CTNNA2: variants seen among roughly 807,000 people sequenced by gnomAD.
The protein encoded by CTNNA2 is catenin alpha-2.
In CTNNA2, 42 loss-of-function variants were observed where a neutral mutation model predicts 101.0. That is an observed-to-expected ratio of 0.42 (90% confidence interval 0.32 to 0.54). The LOEUF (loss-of-function observed/expected upper bound fraction) is 0.54. CTNNA2 is among the 20% of genes least tolerant of loss of function. The probability of loss-of-function intolerance (pLI) is 0.14; values close to 1 mark genes in which losing one functional copy is unlikely to be tolerated. For missense variants in CTNNA2, 871 were observed against 1,223.1 expected (o/e 0.71, Z 4.29); for synonymous variants, 450 against 456.4 (o/e 0.99, Z 0.18).
At chr2:79,320,604 C>T (rs1473357) in intron 3 of CTNNA2, among the ~76,000 whole-genome samples, 16,934 of 152,152 alleles carry the variant, frequency 0.11, 1,130 homozygotes, top group Middle Eastern at 0.21. Context: ...CTCTTGCACT[C>T]AAAGTAGGAG....
chr2:79,710,201 AT>A (rs1326650099), intron 2 of CTNNA2, among the ~76,000 whole-genome samples: 2 of 152,044 alleles, frequency 1.3e-5, no homozygotes, highest in African/African-American at 4.8e-5. Context: ...CTAAACCATT[AT>A]TAAAAAAAAA....
chr2:79,245,225 C>A (rs1674684382), intron 2 of CTNNA2, among the ~76,000 whole-genome samples: 1 of 152,034 alleles, frequency 6.6e-6, no homozygotes, highest in Admixed American at 6.6e-5. Flanking sequence ...CAGAGGCGGG[C>A]AGATCACCTG....
chr2:80,591,851 A>C (rs534538850), intron 15 of CTNNA2, among the ~76,000 whole-genome samples: 9 of 152,290 alleles, frequency 5.9e-5, no homozygotes, highest in Non-Finnish European at 1.2e-4. Flanking sequence ...CTGCCTCATT[A>C]TATGTGTAAT....
intron 2 of CTNNA2, among the ~76,000 whole-genome samples, chr2:79,290,157 TAG>T (rs1244276966): frequency 1.4e-4 from 22 of 152,292 alleles, no homozygotes; most frequent in Non-Finnish European, 2.8e-4. Flanking sequence ...GCCCTGAACA[TAG>T]AGTCTTTTAA....
intron 9 of CTNNA2, among the ~76,000 whole-genome samples, chr2:80,490,588 G>A (rs998319002): frequency 8.6e-5 from 13 of 151,956 alleles, no homozygotes; most frequent in African/African-American, 1.5e-4. Context: ...TTTAAACAGC[G>A]GGCTGCAGTT....
intron 7 of CTNNA2, among the ~76,000 whole-genome samples, chr2:80,198,680 A>C (rs916248792): frequency 5.9e-5 from 9 of 152,232 alleles, no homozygotes; most frequent in Non-Finnish European, 1.3e-4. Context: ...TGAAGTTGAA[A>C]TATGAAACAC....
At chr2:80,044,442 A>G (rs1166589271) in intron 7 of CTNNA2, among the ~76,000 whole-genome samples, 2 of 152,192 alleles carry the variant, frequency 1.3e-5, no homozygotes, top group Non-Finnish European at 2.9e-5. Context: ...CCATGGTTTT[A>G]TAAAGCAAAC....
chr2:80,528,173 C>T (rs1038294246), intron 9 of CTNNA2, among the ~76,000 whole-genome samples: 2 of 152,084 alleles, frequency 1.3e-5, no homozygotes, highest in Non-Finnish European at 1.5e-5. Context: ...GGTTCTCAAC[C>T]TTAGCTGTAT....
intron 18 of CTNNA2, among the ~76,000 whole-genome samples, chr2:80,619,566 G>A (rs888492641): frequency 1.3e-4 from 19 of 151,872 alleles, no homozygotes; most frequent in African/African-American, 4.6e-4. Context: ...GTAGTCAGAA[G>A]GATGTATTCT....
intron 9 of CTNNA2, among the ~76,000 whole-genome samples, chr2:80,525,383 T>C (rs528305672): frequency 6.6e-6 from 1 of 152,106 alleles, no homozygotes; most frequent in Admixed American, 6.5e-5. Context: ...ATGATCTGGA[T>C]TTCCCCTTCT....
chr2:79,473,284 T>G (rs1671018382), intron 4 of CTNNA2, among the ~76,000 whole-genome samples: 1 of 152,106 alleles, frequency 6.6e-6, no homozygotes, highest in Admixed American at 6.5e-5. Context: ...TTAAAATTAT[T>G]TATCTGAGCA....
At chr2:79,343,547 T>C (rs2104431020) in intron 3 of CTNNA2, among the ~76,000 whole-genome samples, 1 of 152,246 alleles carries the variant, frequency 6.6e-6, no homozygotes, top group South Asian at 2.1e-4. Context: ...ACTTCCTCAC[T>C]ATGGGAAGTC....
At chr2:79,217,854 C>G (rs1186595210) in intron 2 of CTNNA2, among the ~76,000 whole-genome samples, 1 of 152,200 alleles carries the variant, frequency 6.6e-6, no homozygotes, top group Admixed American at 6.5e-5. Context: ...TCTCCCAGGT[C>G]TAGACACTAA....
intron 2 of CTNNA2, among the ~76,000 whole-genome samples, chr2:79,242,942 G>T (rs1434682026): frequency 6.7e-6 from 1 of 148,594 alleles, no homozygotes; most frequent in Non-Finnish European, 1.5e-5. Flanking sequence ...ACTCCAGTCT[G>T]AGCAACAAAG....
intron 3 of CTNNA2, among the ~76,000 whole-genome samples, chr2:79,362,454 G>A (rs1297608464): frequency 6.6e-6 from 1 of 152,132 alleles, no homozygotes; most frequent in African/African-American, 2.4e-5. Flanking sequence ...CCATGGTCAA[G>A]TATTAGCAAA....
At chr2:79,821,993 C>T (rs891323277) in intron 3 of CTNNA2, among the ~76,000 whole-genome samples, 3 of 152,130 alleles carry the variant, frequency 2.0e-5, no homozygotes. Context: ...TTTCACTAAT[C>T]ATTTCAGTTA....
intron 3 of CTNNA2, among the ~76,000 whole-genome samples, chr2:79,831,244 G>A (rs983064021): frequency 5.3e-5 from 8 of 151,790 alleles, no homozygotes; most frequent in African/African-American, 1.9e-4. Flanking sequence ...TTACTCCATA[G>A]ACTAAAAAAT....
At chr2:79,488,318 C>CAAAAA (rs61641596) in intron 4 of CTNNA2, among the ~76,000 whole-genome samples, 31 of 99,890 alleles carry the variant, frequency 3.1e-4, no homozygotes, top group African/African-American at 6.6e-4. Flanking sequence ...AACTCCATCT[C>CAAAAA]AAAAAAAAAA....
chr2:79,402,232 A>G (rs1465174849), intron 4 of CTNNA2, among the ~76,000 whole-genome samples: 1 of 151,918 alleles, frequency 6.6e-6, no homozygotes, highest in East Asian at 1.9e-4. Context: ...TTCACTTTCA[A>G]TAATGGATGG....
Sources: gnomAD v4.1 joint callset for allele counts (sites outside exome capture counted in the v4.1 genomes callset) on GRCh38, gnomAD v4.1.1 for gene constraint, MANE v1.5 for transcripts, NCBI Gene and HGNC (gene_info 2026-07-23, HGNC 2026-07-21) for gene names.